Variants in SLC22A3 observed in about 807,000 individuals in gnomAD.
SLC22A3 encodes the protein solute carrier family 22 member 3, also known as EMT organic cation transporter 3.
In SLC22A3, 51 loss-of-function variants were observed where a neutral mutation model predicts 59.1. The ratio of observed to expected loss-of-function variants is 0.86; its 90% CI spans 0.69 to 1.09. The LOEUF (loss-of-function observed/expected upper bound fraction) is 1.09, where lower values mean the gene tolerates loss of function less well. SLC22A3 is among the 50% of genes least tolerant of loss of function. The pLI is 0.00. For missense variants in SLC22A3, 711 were observed against 726.3 expected (o/e 0.98, Z 0.24); for synonymous variants, 325 against 292.0 (o/e 1.11, Z -1.15).
At chr6:160,445,799 G>A (rs1211318015) in intron 9 of SLC22A3, among the ~76,000 whole-genome samples, 1 of 152,224 alleles carries the variant, frequency 6.6e-6, no homozygotes, top group Non-Finnish European at 1.5e-5. Context: ...CACTGTAGCA[G>A]CAAGGCTGAG....
chr6:160,413,149 G>T (rs1399240836), intron 5 of SLC22A3, among the ~76,000 whole-genome samples: 1 of 152,200 alleles, frequency 6.6e-6, no homozygotes, highest in Admixed American at 6.5e-5. Flanking sequence ...CATGTGTGAT[G>T]ATAGTGAGTA....
At chr6:160,381,209 T>C (rs1304449307) in intron 1 of SLC22A3, among the ~76,000 whole-genome samples, 1 of 152,218 alleles carries the variant, frequency 6.6e-6, no homozygotes, top group South Asian at 2.1e-4. Flanking sequence ...GAGCTGTTCT[T>C]ATTCTATGGT....
intron 1 of SLC22A3, among the ~76,000 whole-genome samples, chr6:160,355,999 A>G (rs145502584): frequency 4.3e-4 from 66 of 152,246 alleles, no homozygotes; most frequent in African/African-American, 1.5e-3. Context: ...CTGCCCTCCT[A>G]GCCTAACGCA....
At chr6:160,401,343 G>T (rs1737353973) in intron 2 of SLC22A3, among the ~76,000 whole-genome samples, 2 of 151,850 alleles carry the variant, frequency 1.3e-5, no homozygotes, top group African/African-American at 4.8e-5. Flanking sequence ...AAAGAGCAAT[G>T]ATAAAAATTA....
intron 5 of SLC22A3, chr6:160,426,014 A>G: frequency 1.0e-6 from 1 of 985,438 alleles, no homozygotes; most frequent in Non-Finnish European, 1.2e-6. Flanking sequence ...CGCACAAAGG[A>G]CGTACCAGTG....
chr6:160,406,891 G>A, intron 2 of SLC22A3, 150 bp from the exon 3 acceptor site: 1 of 905,304 alleles, frequency 1.1e-6, no homozygotes, highest in Non-Finnish European at 1.6e-6. Context: ...GGCAACATAG[G>A]GACACCCTGT....
intron 1 of SLC22A3, among the ~76,000 whole-genome samples, chr6:160,395,176 A>G (rs1583473378): frequency 1.3e-5 from 2 of 152,234 alleles, no homozygotes; most frequent in South Asian, 2.1e-4. Context: ...CAAATATAAG[A>G]GAAATCCTAT....
At chr6:160,446,029 C>G (rs144251481) in intron 9 of SLC22A3, among the ~76,000 whole-genome samples, 2 of 152,286 alleles carry the variant, frequency 1.3e-5, no homozygotes, top group African/African-American at 4.8e-5. Flanking sequence ...AAGAGGAAAG[C>G]AGGAGGCCTA....
chr6:160,373,773 C>T (rs565640282), intron 1 of SLC22A3, among the ~76,000 whole-genome samples: 1 of 152,294 alleles, frequency 6.6e-6, no homozygotes, highest in South Asian at 2.1e-4. Flanking sequence ...GAGCTCTGTC[C>T]AGTTCAAACT....
rs961731245 is a variant in SLC22A3 at position 160,408,941 on chromosome 6, C to G, written c.857+20C>G. The stretch of plus-strand genomic sequence containing the variant: ...TTACTGGTAATGTGGTTTTGGTTAT[C>G]ATCATATTTATACTGATTCTGCAGA... On this transcript the variant is annotated intron_variant, in intron 4 of 10. Transcript: ENST00000275300. 1.2e-6 allele frequency: 2 copies of G among 1,601,400 alleles called. No homozygotes were observed. The highest frequency in any genetic ancestry group is 2.2e-5 in the South Asian group (2 of 90,908).
intron 8 of SLC22A3, 150 bp from the exon 9 acceptor site, chr6:160,443,480 C>T: frequency 1.5e-6 from 1 of 656,524 alleles, no homozygotes; most frequent in South Asian, 1.7e-5. Context: ...AAATGTTTTG[C>T]TTAGAGTTCT....
chr6:160,427,561 G>T (rs146473948), intron 5 of SLC22A3, among the ~76,000 whole-genome samples: 2 of 152,304 alleles, frequency 1.3e-5, no homozygotes, highest in African/African-American at 2.4e-5. Flanking sequence ...GTGGACAGGT[G>T]GTCTGATGAG....
intron 5 of SLC22A3, chr6:160,425,907 A>G: frequency 1.0e-6 from 1 of 985,446 alleles, no homozygotes; most frequent in South Asian, 4.7e-5. Context: ...CGCTGTCAAC[A>G]ACATTCAGGA....
At chr6:160,365,239 C>A (rs1464028579) in intron 1 of SLC22A3, among the ~76,000 whole-genome samples, 2 of 152,116 alleles carry the variant, frequency 1.3e-5, no homozygotes, top group Non-Finnish European at 2.9e-5. Flanking sequence ...TGAGGTAAGT[C>A]ATTATTTTCC....
intron 5 of SLC22A3, among the ~76,000 whole-genome samples, chr6:160,425,616 T>G (rs1787922220): frequency 6.6e-6 from 1 of 152,170 alleles, no homozygotes; most frequent in Non-Finnish European, 1.5e-5. Context: ...ACAATATAAC[T>G]AAACACGAAG....
At chr6:160,409,121 C>G (rs1787145611) in intron 4 of SLC22A3, among the ~76,000 whole-genome samples, 200 bp downstream of exon 4, 1 of 127,448 alleles carries the variant, frequency 7.8e-6, no homozygotes, top group African/African-American at 3.1e-5. Context: ...GCTGCACCCA[C>G]TAATGTGTCA....
intron 5 of SLC22A3, among the ~76,000 whole-genome samples, chr6:160,411,109 G>A: frequency 6.6e-6 from 1 of 151,954 alleles, no homozygotes; most frequent in East Asian, 1.9e-4. Context: ...AGCTCTATTA[G>A]CATTATAGCC....
At chr6:160,376,878 C>T (rs913886577) in intron 1 of SLC22A3, among the ~76,000 whole-genome samples, 1 of 152,188 alleles carries the variant, frequency 6.6e-6, no homozygotes, top group African/African-American at 2.4e-5. Context: ...GGACTTTGCA[C>T]AACTATTATT....
intron 1 of SLC22A3, among the ~76,000 whole-genome samples, chr6:160,369,197 A>G (rs912359422): frequency 1.3e-5 from 2 of 152,220 alleles, no homozygotes; most frequent in Admixed American, 6.5e-5. Flanking sequence ...CCATCTGTAA[A>G]CAACCCAAAT....
Sources: allele counts gnomAD v4.1 joint callset (sites outside exome capture counted in the v4.1 genomes callset), GRCh38; gene constraint gnomAD v4.1.1; transcripts MANE v1.5; gene names NCBI Gene and HGNC (gene_info 2026-07-23, HGNC 2026-07-21).